The following PTP4A3 variants were observed in gnomAD, a reference collection of about 807,000 sequenced individuals.
The protein encoded by PTP4A3 is protein tyrosine phosphatase 4A3, also known as protein tyrosine phosphatase type IVA 3.
In PTP4A3, 9 loss-of-function variants were observed where a neutral mutation model predicts 15.2. That is an observed-to-expected ratio of 0.59 (90% CI 0.36 to 1.03). The LOEUF (loss-of-function observed/expected upper bound fraction) is 1.03, where lower values mean the gene tolerates loss of function less well. Among genes scored for constraint, PTP4A3 ranks in the 50% least tolerant of loss-of-function variants. The pLI, the probability that PTP4A3 is intolerant of heterozygous loss-of-function variation, is 0.02. For synonymous variants in PTP4A3, 95 were observed against 102.0 expected (o/e 0.93, Z 0.41); for missense variants, 234 against 252.1 (o/e 0.93, Z 0.49).
At chr8:141,424,903 C>A in intron 2 of PTP4A3, 145 bp from the exon 3 acceptor site, 1 of 681,802 alleles carries the variant, frequency 1.5e-6, no homozygotes, top group Non-Finnish European at 2.5e-6. Context: ...CAGGGCTCCA[C>A]CCCGAGAGGT....
intron 3 of PTP4A3, among the ~76,000 whole-genome samples, chr8:141,426,195 C>T (rs917945584): frequency 6.6e-6 from 1 of 152,176 alleles, no homozygotes; most frequent in Non-Finnish European, 1.5e-5. Context: ...CAGACAGCCC[C>T]ATGCCTGGCA....
intron 1 of PTP4A3, among the ~76,000 whole-genome samples, chr8:141,402,042 C>T (rs752746079): frequency 2.0e-5 from 3 of 152,130 alleles, no homozygotes; most frequent in Non-Finnish European, 4.4e-5. Flanking sequence ...CACCCTGGGT[C>T]GGGGCTGGAG....
At chr8:141,403,397 C>T (rs1370022686) in intron 1 of PTP4A3, among the ~76,000 whole-genome samples, 1 of 152,154 alleles carries the variant, frequency 6.6e-6, no homozygotes, top group Non-Finnish European at 1.5e-5. Flanking sequence ...CTGGCTGGGC[C>T]CAGGCTGGCC....
intron 2 of PTP4A3, among the ~76,000 whole-genome samples, chr8:141,424,375 T>C (rs1355104622): frequency 2.0e-5 from 3 of 152,146 alleles, no homozygotes; most frequent in Non-Finnish European, 2.9e-5. Flanking sequence ...GGGGCTTCCC[T>C]GCTGGCGTAC....
rs371201500 is a variant in PTP4A3 at position 141,427,835 on chromosome 8, G to A, written c.404+11G>A. ...CCAGTTCATCCGCCAGTGAGTGGCC[G>A]CGGTGGTGGGGTGGGCTGTGAGCGC... On this transcript the variant is annotated intron_variant, in intron 5 of 5. Coordinates refer to ENST00000521578, the MANE Select transcript of PTP4A3 (RefSeq NM_032611.3). 9 of 1,548,160 alleles carry A rather than the reference G, an allele frequency of 5.8e-6. No individual in the cohort carries two copies. The highest frequency in any genetic ancestry group is 2.4e-5 in the East Asian group (1 of 40,876).
chr8:141,424,982 T>A, intron 2 of PTP4A3, 66 bp from the exon 3 acceptor site: 1 of 1,370,840 alleles, frequency 7.3e-7, no homozygotes, highest in Non-Finnish European at 1.0e-6. Flanking sequence ...CCCTGGTGAG[T>A]GGGTCCTGCC....
chr8:141,406,924 C>G lies in PTP4A3; in HGVS notation c.-853-14464C>G, dbSNP rs549565476. The stretch of plus-strand genomic sequence containing the variant: ...TGCTTTGAACTTCCAAAAATGCGCT[C>G]AGAAATCTTTCCTGTCCTCTAGGGC... On this transcript the variant is annotated intron_variant, in intron 1 of 5. Transcript: ENST00000521578. The surrounding 1 kb of genome is among the most constrained non-coding windows in gnomAD (Gnocchi z 4.5). Among the ~76,000 whole-genome samples the G allele has an allele frequency of 1.3e-5, 2 of 152,340 alleles. No homozygotes were observed. The highest frequency in any genetic ancestry group is 4.8e-5 in the African/African-American group (2 of 41,582).
At chr8:141,399,890 C>T (rs1318878427) in intron 1 of PTP4A3, among the ~76,000 whole-genome samples, 2 of 152,230 alleles carry the variant, frequency 1.3e-5, no homozygotes, top group Non-Finnish European at 2.9e-5. Flanking sequence ...ATTTGAACAA[C>T]GCTTCAAACA....
intron 1 of PTP4A3, among the ~76,000 whole-genome samples, chr8:141,415,532 G>A (rs1199719983): frequency 6.7e-6 from 1 of 149,292 alleles, no homozygotes; most frequent in South Asian, 2.2e-4. Context: ...GGCCCCAGCC[G>A]GAGCGTTCCG....
At chr8:141,402,946 G>T (rs1429752474) in intron 1 of PTP4A3, among the ~76,000 whole-genome samples, 2 of 152,176 alleles carry the variant, frequency 1.3e-5, no homozygotes, top group African/African-American at 2.4e-5. Flanking sequence ...TGGCCAGCGG[G>T]CCGGTCCAGA....
rs2130166990 is a variant in PTP4A3, at chr8:141,422,255, C to T, written c.15C>T (p.Asn5=). The T allele has an allele frequency of 3.7e-6, 6 of 1,613,018 alleles. No homozygotes were observed. Among genetic ancestry groups the T allele is most frequent in the Middle Eastern group, 1.7e-4 (1 of 6,060 alleles). The change falls in exon 2 of 6, where the codon AAC becomes AAT. Residue 5 remains asparagine, a synonymous_variant. Coordinates refer to ENST00000521578, the MANE Select transcript of PTP4A3 (RefSeq NM_032611.3). The stretch of plus-strand genomic sequence containing the variant: ...CGGGAGGCGCCATGGCTCGGATGAA[C>T]CGCCCGGCCCCGGTGGAGGTGAGCT... The part of the protein sequence containing the change: MARM[N]RPAPVEVSYK...
chr8:141,418,541 G>A (rs1353886863), intron 1 of PTP4A3, among the ~76,000 whole-genome samples: 1 of 152,222 alleles, frequency 6.6e-6, no homozygotes, highest in African/African-American at 2.4e-5. Context: ...CTCCCTTAAA[G>A]GGTCTTGAGA....
At chr8:141,403,784 C>T (rs1482374693) in intron 1 of PTP4A3, among the ~76,000 whole-genome samples, 2 of 152,254 alleles carry the variant, frequency 1.3e-5, no homozygotes, top group Non-Finnish European at 2.9e-5. Context: ...CAACCATGGT[C>T]GGGAGCTCCT....
intron 1 of PTP4A3, among the ~76,000 whole-genome samples, chr8:141,397,516 A>C (rs1395401878): frequency 6.6e-6 from 1 of 152,216 alleles, no homozygotes; most frequent in Non-Finnish European, 1.5e-5. Context: ...TGGCTGCCCC[A>C]CGCTGGGCAC....
intron 1 of PTP4A3, among the ~76,000 whole-genome samples, chr8:141,410,815 G>A (rs1197444606): frequency 2.0e-5 from 3 of 152,170 alleles, no homozygotes; most frequent in Non-Finnish European, 4.4e-5. Flanking sequence ...GAGGACAGTG[G>A]CCATGGGCTG....
chr8:141,423,041 G>C (rs1033052910), intron 2 of PTP4A3, among the ~76,000 whole-genome samples: 5 of 152,238 alleles, frequency 3.3e-5, no homozygotes, highest in African/African-American at 1.2e-4. Context: ...GTGCGGGGCC[G>C]TTGACAGAGC....
rs539749440 is a variant in PTP4A3 at position 141,400,311 on chromosome 8, G to A, written c.-854+8227G>A. On this transcript the variant is annotated intron_variant, in intron 1 of 5. Transcript: ENST00000521578. ...TGCCCGGCCCACCACTGTGCCAGGC[G>A]CAAACGTGGTTATTGTTTTAGACAC... 1.9e-3 allele frequency among the ~76,000 whole-genome samples: 229 copies of A among 117,764 alleles called. 1 individual carries two copies. Among genetic ancestry groups the A allele is most frequent in the African/African-American group, 0.011 (218 of 19,714 alleles). 77.3% of individuals were successfully genotyped at this position (117,764 alleles called of 152,430 possible).
chr8:141,399,930 G>T (rs551758470), intron 1 of PTP4A3, among the ~76,000 whole-genome samples: 177 of 152,282 alleles, frequency 1.2e-3, no homozygotes, highest in African/African-American at 4.1e-3. Context: ...TTTTTGAGAC[G>T]GAGTCTCACC....
At chr8:141,416,427 A>C (rs1833056407) in intron 1 of PTP4A3, among the ~76,000 whole-genome samples, 2 of 152,192 alleles carry the variant, frequency 1.3e-5, no homozygotes, top group Non-Finnish European at 2.9e-5. Context: ...TGTGGAATGC[A>C]GTGTCTAGCC....
Sources: gnomAD v4.1 joint callset for allele counts (sites outside exome capture counted in the v4.1 genomes callset) on GRCh38, gnomAD v4.1.1 for gene constraint, Gnocchi (gnomAD v3.1) non-coding constraint, MANE v1.5 for transcripts, NCBI Gene and HGNC (gene_info 2026-07-23, HGNC 2026-07-21) for gene names.